Variants in DCC observed in about 807,000 individuals in gnomAD.
The protein encoded by DCC is DCC netrin 1 receptor.
Under a neutral mutation model 172.5 loss-of-function variants are expected in DCC, and 58 were observed. The ratio of observed to expected loss-of-function variants is 0.34; its 90% CI spans 0.27 to 0.42. The LOEUF is 0.42. Among genes scored for constraint, DCC ranks in the 10% least tolerant of loss-of-function variants. The probability of loss-of-function intolerance (pLI) is 1.00; values close to 1 mark genes in which losing one functional copy is unlikely to be tolerated. For synonymous variants in DCC, 709 were observed against 644.5 expected (o/e 1.10, Z -1.52); for missense variants, 1,740 against 1,791.0 (o/e 0.97, Z 0.51).
intron 15 of DCC, among the ~76,000 whole-genome samples, chr18:53,370,394 T>C (rs1054528548): frequency 1.3e-5 from 2 of 151,842 alleles, no homozygotes; most frequent in African/African-American, 4.8e-5. Flanking sequence ...TTCAAAGAAC[T>C]AGCTTTGGGT....
intron 2 of DCC, among the ~76,000 whole-genome samples, chr18:52,887,351 A>C (rs1216210742): frequency 6.6e-6 from 1 of 151,940 alleles, no homozygotes; most frequent in Non-Finnish European, 1.5e-5. Context: ...GCAGAAATGG[A>C]GAGCCAAACA....
At chr18:53,097,092 G>A (rs898319357) in intron 7 of DCC, among the ~76,000 whole-genome samples, 1 of 152,176 alleles carries the variant, frequency 6.6e-6, no homozygotes, top group Non-Finnish European at 1.5e-5. Flanking sequence ...AACCTAGTGA[G>A]ACAAAAAGTT....
At chr18:52,369,353 G>A (rs1985016446) in intron 1 of DCC, among the ~76,000 whole-genome samples, 1 of 151,794 alleles carries the variant, frequency 6.6e-6, no homozygotes, top group African/African-American at 2.4e-5. Flanking sequence ...CCCACCTCAG[G>A]TCCTTCAATA....
At chr18:52,945,104 A>T (rs960288248) in intron 5 of DCC, among the ~76,000 whole-genome samples, 5 of 152,216 alleles carry the variant, frequency 3.3e-5, no homozygotes, top group African/African-American at 4.8e-5. Context: ...GACCAGTCAC[A>T]CATTCCTGCT....
At chr18:52,919,366 A>G (rs573536333) in intron 3 of DCC, among the ~76,000 whole-genome samples, 1 of 152,350 alleles carries the variant, frequency 6.6e-6, no homozygotes, top group Non-Finnish European at 1.5e-5. Context: ...AAATGTATGA[A>G]CTACTTACTA....
At chr18:52,738,266 AG>A (rs1345871301) in intron 1 of DCC, among the ~76,000 whole-genome samples, 6 of 152,142 alleles carry the variant, frequency 3.9e-5, no homozygotes, top group Non-Finnish European at 8.8e-5. Context: ...ATGTATAGTT[AG>A]GTGATTTTGT....
At chr18:52,868,083 A>ATATG (rs1555675545) in intron 2 of DCC, among the ~76,000 whole-genome samples, 4 of 135,512 alleles carry the variant, frequency 3.0e-5, no homozygotes, top group African/African-American at 1.3e-4. Context: ...GTGTGTATAT[A>ATATG]TGTGTGTATA....
intron 5 of DCC, among the ~76,000 whole-genome samples, chr18:53,062,837 C>A (rs1368477844): frequency 6.6e-6 from 1 of 152,052 alleles, no homozygotes; most frequent in Non-Finnish European, 1.5e-5. Flanking sequence ...CCAGTTTCAA[C>A]AGAAAATGAG....
intron 17 of DCC, among the ~76,000 whole-genome samples, chr18:53,395,010 G>A (rs1348467820): frequency 1.3e-5 from 2 of 151,690 alleles, no homozygotes; most frequent in Non-Finnish European, 2.9e-5. Context: ...TGGGCGTGGT[G>A]GGGGGGCGGG....
rs553140812 is a variant in DCC at position 52,886,958 on chromosome 18, C to T, written c.413-19086C>T. Among the ~76,000 whole-genome samples, 9 of 152,178 alleles carry T rather than the reference C, an allele frequency of 5.9e-5. No homozygotes were observed. The South Asian group carries it at 1.7e-3, about 28-fold the overall frequency. On this transcript the variant is annotated intron_variant, in intron 2 of 28. Coordinates refer to ENST00000442544, the MANE Select transcript of DCC (RefSeq NM_005215.4). ...AACAGGCATTGGACTAGATTTTGCC[C>T]TTTAGCTATAGTTTGCTGCCTTCTG... is the stretch of plus-strand genomic sequence containing the variant.
chr18:53,198,696 C>T (rs1247364186), intron 9 of DCC, among the ~76,000 whole-genome samples: 4 of 152,098 alleles, frequency 2.6e-5, no homozygotes, highest in East Asian at 1.9e-4. Flanking sequence ...AACATAAGTA[C>T]TTAATTTGTT....
intron 12 of DCC, among the ~76,000 whole-genome samples, chr18:53,277,851 C>T (rs994716414): frequency 2.0e-5 from 3 of 152,084 alleles, no homozygotes; most frequent in Non-Finnish European, 4.4e-5. Context: ...TGAGAGTCCA[C>T]GGGATAGCAA....
intron 12 of DCC, among the ~76,000 whole-genome samples, chr18:53,285,449 G>A (rs1454628712): frequency 6.6e-6 from 1 of 152,212 alleles, no homozygotes; most frequent in Non-Finnish European, 1.5e-5. Flanking sequence ...ACGTTTTTAA[G>A]CCTGCAGGTA....
intron 2 of DCC, chr18:52,757,098 T>A (rs1280500809): frequency 6.6e-6 from 1 of 152,164 alleles, no homozygotes; most frequent in Non-Finnish European, 1.5e-5. Context: ...TATGGGAGAT[T>A]TTTTGGCAAG....
intron 5 of DCC, among the ~76,000 whole-genome samples, chr18:53,003,332 T>C (rs1006781789): frequency 6.6e-6 from 1 of 152,190 alleles, no homozygotes. Context: ...GGTCCCTTCC[T>C]CTTGGATCTG....
At chr18:53,474,274 C>T (rs573678169) in intron 25 of DCC, among the ~76,000 whole-genome samples, 6 of 151,892 alleles carry the variant, frequency 4.0e-5, no homozygotes, top group Admixed American at 2.0e-4. Context: ...TACAATGCAG[C>T]AATAAAAATA....
intron 1 of DCC, among the ~76,000 whole-genome samples, chr18:52,402,302 G>T (rs1986470652): frequency 6.6e-6 from 1 of 151,932 alleles, no homozygotes; most frequent in Admixed American, 6.6e-5. Context: ...GTTCATTTTG[G>T]GTGATCAGAA....
intron 1 of DCC, among the ~76,000 whole-genome samples, chr18:52,465,731 T>C (rs992944876): frequency 3.4e-5 from 5 of 147,930 alleles, no homozygotes; most frequent in Non-Finnish European, 7.4e-5. Context: ...ACACACGTTC[T>C]CTAACTTCCC....
At chr18:53,364,909 A>G (rs1392303151) in intron 15 of DCC, among the ~76,000 whole-genome samples, 3 of 152,214 alleles carry the variant, frequency 2.0e-5, no homozygotes, top group Non-Finnish European at 4.4e-5. Context: ...GGCTTTCTAT[A>G]GATCCTTACC....
Sources: allele counts gnomAD v4.1 joint callset (sites outside exome capture counted in the v4.1 genomes callset), GRCh38; gene constraint gnomAD v4.1.1; transcripts MANE v1.5; gene names NCBI Gene and HGNC (gene_info 2026-07-23, HGNC 2026-07-21).